The following RFX3 variants were observed in gnomAD, a reference collection of about 807,000 sequenced individuals.
RFX3 encodes transcription factor RFX3.
In RFX3, 14 loss-of-function variants were observed where a neutral mutation model predicts 98.6. The ratio of observed to expected loss-of-function variants is 0.14; its 90% CI spans 0.09 to 0.22. RFX3 has a LOEUF of 0.22. Among genes scored for constraint, RFX3 ranks in the 10% least tolerant of loss-of-function variants. The pLI, the probability that RFX3 is intolerant of heterozygous loss-of-function variation, is 1.00. For missense variants in RFX3, 639 were observed against 926.9 expected, an observed-to-expected ratio of 0.69 and a Z score of 4.03; for synonymous variants, 383 against 328.4, an observed-to-expected ratio of 1.17 and a Z score of -1.80.
At chr9:3,419,401 A>G (rs1843254527) in intron 1 of RFX3, among the ~76,000 whole-genome samples, 1 of 152,138 alleles carries the variant, frequency 6.6e-6, no homozygotes, top group African/African-American at 2.4e-5. Context: ...AAACAAGTAT[A>G]TTTTTTACTA....
intron 4 of RFX3, among the ~76,000 whole-genome samples, chr9:3,313,842 G>A (rs1184211232): frequency 6.6e-6 from 1 of 152,118 alleles, no homozygotes; most frequent in Non-Finnish European, 1.5e-5. Flanking sequence ...AAAAAGAAAC[G>A]AACAAAGCCT....
chr9:3,299,641 AT>A (rs1176100749), intron 5 of RFX3, among the ~76,000 whole-genome samples: 1 of 149,304 alleles, frequency 6.7e-6, no homozygotes, highest in Admixed American at 6.6e-5. Flanking sequence ...ATATTATGTA[AT>A]AAAAAAAATG....
intron 14 of RFX3, 21 bp downstream of exon 14, chr9:3,256,970 T>G (rs974331391): frequency 1.2e-6 from 2 of 1,608,138 alleles, no homozygotes. Flanking sequence ...GAAGAAAGCC[T>G]AGGAAAAACC....
intron 4 of RFX3, among the ~76,000 whole-genome samples, chr9:3,309,241 A>G (rs1337677955): frequency 6.6e-6 from 1 of 152,146 alleles, no homozygotes; most frequent in Non-Finnish European, 1.5e-5. Flanking sequence ...AGAAAGGGCA[A>G]GGGAGATGTC....
At chr9:3,436,951 TA>T (rs35142574) in intron 1 of RFX3, among the ~76,000 whole-genome samples, 1 of 151,730 alleles carries the variant, frequency 6.6e-6, no homozygotes, top group African/African-American at 2.4e-5. Flanking sequence ...TTAATTTTTT[TA>T]AAAAAAATTG....
intron 15 of RFX3, among the ~76,000 whole-genome samples, chr9:3,238,754 G>A (rs987719390): frequency 1.3e-5 from 2 of 152,158 alleles, no homozygotes; most frequent in African/African-American, 2.4e-5. Flanking sequence ...TGATCAGTCC[G>A]AGGCAGGCGG....
intron 4 of RFX3, among the ~76,000 whole-genome samples, chr9:3,309,115 T>C (rs553803608): frequency 1.2e-4 from 18 of 152,248 alleles, no homozygotes; most frequent in South Asian, 6.2e-4. Context: ...AATGCATAGA[T>C]TCTGTACGAC....
At chr9:3,301,407 A>G (rs72699039) in intron 5 of RFX3, 139 bp downstream of exon 5, 60,098 of 527,038 alleles carry the variant, frequency 0.11, 3,642 homozygotes, top group Middle Eastern at 0.15. Flanking sequence ...CCATTAAATG[A>G]CACAGAGATC....
Position 3,266,439 on chromosome 9 carries a change from T to C in RFX3, c.1358-134A>G, listed in dbSNP as rs1823639675. The C allele has an allele frequency of 9.0e-6, 4 of 443,872 alleles. No homozygotes were observed. In the East Asian group the frequency reaches 1.4e-4, roughly 15 times the overall value. The allele number at this position is 443,872 out of a possible 1,614,324, so 27.5% of individuals were successfully genotyped here. A position where few individuals can be genotyped will look rare whatever the true frequency, so the allele number is the denominator to read the frequency against. On this transcript the variant is annotated intron_variant, in intron 11 of 16. Transcript: ENST00000617270. ...CTCATATTGTCCTCATTGATGAAAC[T>C]TTATTTAACATTATTCCTAACTTTT...
chr9:3,310,395 T>C (rs1490101732), intron 4 of RFX3, among the ~76,000 whole-genome samples: 1 of 152,212 alleles, frequency 6.6e-6, no homozygotes, highest in Non-Finnish European at 1.5e-5. Flanking sequence ...TATCATCTTA[T>C]TTATTGTCTT....
At chr9:3,487,999 T>C (rs149237680) in intron 1 of RFX3, among the ~76,000 whole-genome samples, 1,805 of 152,270 alleles carry the variant, frequency 0.012, 28 homozygotes, top group African/African-American at 0.032. Flanking sequence ...TTGTGTAGCA[T>C]GACCTATTGA....
At chr9:3,449,998 T>G (rs1288667699) in intron 1 of RFX3, among the ~76,000 whole-genome samples, 1 of 152,214 alleles carries the variant, frequency 6.6e-6, no homozygotes, top group African/African-American at 2.4e-5. Context: ...GATTTTGGTT[T>G]TTATAGTTTA....
intron 2 of RFX3, among the ~76,000 whole-genome samples, chr9:3,353,816 G>T (rs1215452047): frequency 6.6e-6 from 1 of 151,948 alleles, no homozygotes; most frequent in Admixed American, 6.6e-5. Context: ...AAAGAAGCAG[G>T]GAAGTGTGAC....
chr9:3,396,751 T>C (rs1840930504), intron 1 of RFX3, among the ~76,000 whole-genome samples: 1 of 152,216 alleles, frequency 6.6e-6, no homozygotes, highest in African/African-American at 2.4e-5. Context: ...TGTGAGATGG[T>C]ATCTCATTGT....
intron 6 of RFX3, among the ~76,000 whole-genome samples, chr9:3,289,780 G>T (rs1227898148): frequency 1.3e-5 from 2 of 151,800 alleles, no homozygotes; most frequent in East Asian, 1.9e-4. Flanking sequence ...TCTAATAAAA[G>T]GTACCTTTTT....
At chr9:3,448,029 G>A (rs553110510) in intron 1 of RFX3, among the ~76,000 whole-genome samples, 2 of 152,200 alleles carry the variant, frequency 1.3e-5, no homozygotes, top group South Asian at 4.2e-4. Flanking sequence ...AAAATGGCCA[G>A]CCTAGAGATT....
intron 2 of RFX3, among the ~76,000 whole-genome samples, chr9:3,358,042 T>A (rs1443939402): frequency 6.6e-6 from 1 of 152,076 alleles, no homozygotes; most frequent in Admixed American, 6.6e-5. Flanking sequence ...TGGTCAATAC[T>A]GTGAGGTGGA....
intron 4 of RFX3, among the ~76,000 whole-genome samples, chr9:3,304,868 A>C (rs1829093860): frequency 6.6e-6 from 1 of 152,168 alleles, no homozygotes; most frequent in South Asian, 2.1e-4. Flanking sequence ...CTTGTAACAA[A>C]AATACAAGCA....
At chr9:3,302,639 G>A (rs1403142430) in intron 4 of RFX3, among the ~76,000 whole-genome samples, 2 of 151,718 alleles carry the variant, frequency 1.3e-5, no homozygotes, top group Non-Finnish European at 2.9e-5. Flanking sequence ...AATATTTAGA[G>A]CTTTAAAACA....
Sources: allele counts gnomAD v4.1 joint callset (sites outside exome capture counted in the v4.1 genomes callset), GRCh38; gene constraint gnomAD v4.1.1; transcripts MANE v1.5; gene names NCBI Gene and HGNC (gene_info 2026-07-23, HGNC 2026-07-21).